LOC400499: variants seen among roughly 807,000 people sequenced by gnomAD.
the LOC400499 span, chr16:11,391,653 C>A: frequency 4.9e-6 from 6 of 1,232,108 alleles, no homozygotes; most frequent in Admixed American, 8.4e-5. Context: ...AGCCCTCCCC[C>A]TCCCACACTT....
At chr16:11,469,226 G>C in the LOC400499 span, 1 of 399,438 alleles carries the variant, frequency 2.5e-6, no homozygotes, top group Non-Finnish European at 4.4e-6. Context: ...AGTGACCCGT[G>C]TGGGCACTCC....
the LOC400499 span, among the ~76,000 whole-genome samples, chr16:11,504,310 C>A: frequency 6.6e-6 from 1 of 152,212 alleles, no homozygotes; most frequent in Non-Finnish European, 1.5e-5. Context: ...AATCCCAGCA[C>A]TTTGGGAGGC....
At chr16:11,492,053 C>G in the LOC400499 span, among the ~76,000 whole-genome samples, 1 of 152,198 alleles carries the variant, frequency 6.6e-6, no homozygotes, top group South Asian at 2.1e-4. Context: ...TTCCCAGTCT[C>G]TACCAGCCCC....
At chr16:11,494,851 T>C in the LOC400499 span, 3 of 398,208 alleles carry the variant, frequency 7.5e-6, no homozygotes, top group Admixed American at 8.8e-5. Context: ...CCTGGGCAAC[T>C]TCATAATACA....
the LOC400499 span, chr16:11,522,135 G>T: frequency 2.3e-5 from 9 of 397,264 alleles, no homozygotes; most frequent in Middle Eastern, 6.2e-4. Flanking sequence ...GAGAGAGACA[G>T]CAATGTCACC....
At chr16:11,462,014 A>C in the LOC400499 span, 1 of 1,064,086 alleles carries the variant, frequency 9.4e-7, no homozygotes, top group Non-Finnish European at 1.3e-6. Flanking sequence ...GGATGTTGAT[A>C]TTAAGAGAAG....
the LOC400499 span, among the ~76,000 whole-genome samples, chr16:11,429,810 A>G: frequency 1.3e-5 from 2 of 152,156 alleles, no homozygotes; most frequent in East Asian, 3.9e-4. Context: ...AAGAATTAGA[A>G]AAATCCCCAT....
the LOC400499 span, chr16:11,404,861 G>A: frequency 2.5e-5 from 10 of 398,846 alleles, no homozygotes; most frequent in Admixed American, 4.4e-5. Context: ...TGGGAAGAGC[G>A]CTGAGCTGGA....
chr16:11,389,278 G>A, the LOC400499 span, among the ~76,000 whole-genome samples: 1 of 152,228 alleles, frequency 6.6e-6, no homozygotes. Context: ...TCTAGCATTT[G>A]CTACCTAACG....
the LOC400499 span, among the ~76,000 whole-genome samples, chr16:11,511,328 T>A: frequency 6.6e-6 from 1 of 152,064 alleles, no homozygotes; most frequent in Non-Finnish European, 1.5e-5. Context: ...CCATAACCTA[T>A]GGGGTAAGGG....
the LOC400499 span, among the ~76,000 whole-genome samples, chr16:11,496,428 G>C: frequency 6.6e-6 from 1 of 152,338 alleles, no homozygotes; most frequent in African/African-American, 2.4e-5. Flanking sequence ...TACTACGCTA[G>C]GGTGTGAGCA....
chr16:11,446,483 G>T, the LOC400499 span: 3 of 1,402,854 alleles, frequency 2.1e-6, no homozygotes, highest in South Asian at 3.7e-5. Context: ...CAATCCTATT[G>T]AGCGATGACA....
the LOC400499 span, among the ~76,000 whole-genome samples, chr16:11,408,694 C>T: frequency 6.6e-6 from 1 of 152,032 alleles, no homozygotes; most frequent in African/African-American, 2.4e-5. Flanking sequence ...AACTCCTGAA[C>T]TCTAACAATT....
At chr16:11,444,532 T>C in the LOC400499 span, among the ~76,000 whole-genome samples, 7 of 152,216 alleles carry the variant, frequency 4.6e-5, no homozygotes, top group Admixed American at 1.3e-4. Context: ...TGCTCTTGAA[T>C]TGTAACGGTA....
At chr16:11,502,225 G>T in the LOC400499 span, 1 of 398,810 alleles carries the variant, frequency 2.5e-6, no homozygotes, top group East Asian at 3.6e-5. Context: ...CAGTGCGGGG[G>T]ATCCCCGAAG....
the LOC400499 span, chr16:11,461,039 G>A: frequency 6.5e-7 from 1 of 1,536,110 alleles, no homozygotes; most frequent in East Asian, 2.4e-5. Flanking sequence ...AGGGCACGAA[G>A]CCCCACCAGC....
the LOC400499 span, among the ~76,000 whole-genome samples, chr16:11,421,304 C>G: frequency 2.6e-5 from 4 of 152,350 alleles, no homozygotes; most frequent in East Asian, 5.8e-4. Flanking sequence ...CCCCCCAGGA[C>G]TAGGCATTCC....
the LOC400499 span, chr16:11,471,977 G>C: frequency 2.5e-6 from 1 of 396,790 alleles, no homozygotes; most frequent in African/African-American, 2.1e-5. Flanking sequence ...GTGGTGTGTA[G>C]ACCAGGGTTT....
At chr16:11,460,699 G>C in the LOC400499 span, 2 of 1,443,350 alleles carry the variant, frequency 1.4e-6, no homozygotes, top group South Asian at 1.4e-5. Flanking sequence ...GGCCCAGCCT[G>C]GCCTCAGCCA....
Sources: gnomAD v4.1 joint callset for allele counts (sites outside exome capture counted in the v4.1 genomes callset) on GRCh38, gnomAD v4.1.1 for gene constraint, MANE v1.5 for transcripts.